Variants in MAP4 observed in about 807,000 individuals in gnomAD.
MAP4 encodes the protein microtubule-associated protein 4.
Under a neutral mutation model 170.2 loss-of-function variants are expected in MAP4, and 76 were observed. The ratio of observed to expected loss-of-function variants is 0.45; its 90% CI spans 0.37 to 0.54. The LOEUF is 0.54. Ranked by LOEUF, MAP4 falls within the 20% of genes least tolerant of loss-of-function variation. MAP4 has a pLI of 0.00. For missense variants in MAP4, 2,506 were observed against 2,748.0 expected (o/e 0.91, Z 1.97); for synonymous variants, 909 against 994.5 (o/e 0.91, Z 1.62).
At chr3:47,979,477 A>G (rs1253008903) in intron 2 of MAP4, among the ~76,000 whole-genome samples, 1 of 152,180 alleles carries the variant, frequency 6.6e-6, no homozygotes, top group Non-Finnish European at 1.5e-5. Context: ...TCTTCTTGAC[A>G]GGGAGTCTCT....
chr3:47,870,430 C>CTGACAT (rs2089510707), intron 15 of MAP4, among the ~76,000 whole-genome samples: 1 of 152,158 alleles, frequency 6.6e-6, no homozygotes, highest in African/African-American at 2.4e-5. Flanking sequence ...TCTGCCTATC[C>CTGACAT]TGACATTCTC....
chr3:48,075,918 T>C (rs2154567529), intron 1 of MAP4, among the ~76,000 whole-genome samples: 1 of 141,326 alleles, frequency 7.1e-6, no homozygotes, highest in African/African-American at 2.7e-5. Flanking sequence ...GAGGCTGCAG[T>C]GAGCCGAGAT....
intron 17 of MAP4, 36 bp from the exon 18 acceptor site, chr3:47,857,548 A>C (rs2150157140): frequency 6.8e-7 from 1 of 1,469,058 alleles, no homozygotes; most frequent in East Asian, 2.3e-5. Context: ...ATTCAGAGAG[A>C]AGGTATACTG....
chr3:48,039,201 AG>A (rs2100120374), intron 1 of MAP4: 1 of 152,280 alleles, frequency 6.6e-6, no homozygotes. Flanking sequence ...ATCTCTTAAC[AG>A]AAAGAGGTAC....
At chr3:48,005,723 G>C (rs1426829657) in intron 1 of MAP4, among the ~76,000 whole-genome samples, 1 of 152,156 alleles carries the variant, frequency 6.6e-6, no homozygotes. Context: ...ATCCCAGCTG[G>C]GAGGGTCCAG....
chr3:48,075,843 C>T lies in MAP4; in HGVS notation c.-20+12930G>A, dbSNP rs986794266. On this transcript the variant is annotated intron_variant, in intron 1 of 18. Transcript: ENST00000360240. ...TACAAAAATTAGCTGGGTGTGGTAG[C>T]GGGCACCTGTAATCCCAGCTACTTG... 6.6e-5 allele frequency among the ~76,000 whole-genome samples: 10 copies of T among 151,200 alleles called. No homozygotes were observed. In the East Asian group the frequency reaches 1.4e-3, roughly 21 times the overall value.
chr3:48,011,137 A>G (rs1432651258), intron 1 of MAP4, among the ~76,000 whole-genome samples: 1 of 152,224 alleles, frequency 6.6e-6, no homozygotes, highest in Non-Finnish European at 1.5e-5. Context: ...GCCATCTCAC[A>G]CTACTGGAAT....
intron 1 of MAP4, among the ~76,000 whole-genome samples, chr3:48,028,923 G>T (rs145632071): frequency 6.6e-6 from 1 of 151,280 alleles, no homozygotes; most frequent in Admixed American, 6.6e-5. Context: ...CGGGCAGATC[G>T]CTTGAGCCCA....
At chr3:48,085,822 C>T (rs1481021707) in intron 1 of MAP4, among the ~76,000 whole-genome samples, 4 of 151,714 alleles carry the variant, frequency 2.6e-5, no homozygotes, top group Admixed American at 6.6e-5. Flanking sequence ...TTTGGGAGGC[C>T]GAGGCAGGCG....
At chr3:48,076,879 G>A (rs1454557254) in intron 1 of MAP4, among the ~76,000 whole-genome samples, 1 of 152,104 alleles carries the variant, frequency 6.6e-6, no homozygotes, top group Non-Finnish European at 1.5e-5. Context: ...AGTCAGGCAT[G>A]GTGGCTCACA....
chr3:48,035,191 A>G (rs918430883), intron 1 of MAP4, among the ~76,000 whole-genome samples: 3 of 74,892 alleles, frequency 4.0e-5, no homozygotes, highest in African/African-American at 6.4e-5. Flanking sequence ...GATTTGTATG[A>G]AAAAAAAAAA....
At chr3:48,056,242 G>T (rs1226692216) in intron 1 of MAP4, among the ~76,000 whole-genome samples, 1 of 121,884 alleles carries the variant, frequency 8.2e-6, no homozygotes, top group Non-Finnish European at 1.8e-5. Flanking sequence ...CTGGCCAGCC[G>T]TGCCGTCCGG....
chr3:47,917,258 T>G, intron 6 of MAP4, 84 bp from the exon 7 acceptor site: 1 of 1,160,274 alleles, frequency 8.6e-7, no homozygotes, highest in Non-Finnish European at 1.2e-6. Context: ...TGAGAGTATT[T>G]GGCTTTTGTG....
Position 47,869,308 on chromosome 3 carries a change from G to GT in MAP4, c.6313dup (p.Thr2105AsnfsTer11). The GT allele has an allele frequency of 6.2e-7, 1 of 1,613,672 alleles. No individual in the cohort carries two copies. The highest frequency in any genetic ancestry group is 8.5e-7 in the Non-Finnish European group (1 of 1,179,620). ...CTTTCGGGTTGTAGCAGCTGCCTCT[G>GT]TTTTTTTCTCTACTTTGGCCTGGAT... On this transcript the variant is annotated frameshift_variant, in exon 16 of 21. Coordinates refer to ENST00000683076, the MANE Select transcript of MAP4 (RefSeq NM_001385682.1). LOFTEE classifies it high-confidence loss of function.
chr3:47,928,411 T>C, intron 3 of MAP4, 61 bp from the exon 4 acceptor site: 2 of 1,539,880 alleles, frequency 1.3e-6, no homozygotes. Flanking sequence ...TCCACTACAG[T>C]GGAATTTCTA....
chr3:47,962,856 G>A (rs909855248), intron 3 of MAP4, among the ~76,000 whole-genome samples: 1 of 152,196 alleles, frequency 6.6e-6, no homozygotes, highest in Non-Finnish European at 1.5e-5. Context: ...AAAAACTGAA[G>A]ACCAGAAATA....
intron 1 of MAP4, among the ~76,000 whole-genome samples, chr3:48,048,070 A>G (rs1419930233): frequency 1.3e-5 from 2 of 152,232 alleles, no homozygotes; most frequent in African/African-American, 2.4e-5. Flanking sequence ...ATGCCTGTGA[A>G]CAGCCACTGT....
chr3:47,885,566 C>T (rs1327654531), intron 10 of MAP4, among the ~76,000 whole-genome samples: 4 of 152,060 alleles, frequency 2.6e-5, no homozygotes, highest in Non-Finnish European at 5.9e-5. Flanking sequence ...TGAGATGATA[C>T]CATCTTGTCT....
intron 1 of MAP4, among the ~76,000 whole-genome samples, chr3:48,048,759 ATAACTGT>A (rs1417785123): frequency 1.3e-5 from 2 of 151,988 alleles, no homozygotes; most frequent in Non-Finnish European, 2.9e-5. Flanking sequence ...ACACTGATAC[ATAACTGT>A]TAACTAGACT....
Sources: allele counts gnomAD v4.1 joint callset (sites outside exome capture counted in the v4.1 genomes callset), GRCh38; gene constraint gnomAD v4.1.1; transcripts MANE v1.5; gene names NCBI Gene and HGNC (gene_info 2026-07-23, HGNC 2026-07-21).